PARD3B: variants seen among roughly 807,000 people sequenced by gnomAD.
PARD3B encodes par-3 family cell polarity regulator beta.
PARD3B carries 103 observed loss-of-function variants against 130.2 expected under a neutral mutation model. The observed-to-expected ratio is 0.79, with a 90% CI of 0.67 to 0.93. The LOEUF is 0.93. Among genes scored for constraint, PARD3B ranks in the 40% least tolerant of loss-of-function variants. PARD3B has a pLI of 0.00. For synonymous variants in PARD3B, 583 were observed against 553.2 expected (o/e 1.05, Z -0.76); for missense variants, 1,609 against 1,499.2 (o/e 1.07, Z -1.21).
intron 2 of PARD3B, among the ~76,000 whole-genome samples, chr2:204,870,548 C>T (rs74342535): frequency 2.0e-5 from 3 of 152,082 alleles, no homozygotes; most frequent in East Asian, 1.9e-4. Context: ...TCGGGGTAAG[C>T]GTTTCAAGCC....
At position 205,414,944 on chromosome 2, in the gene PARD3B, T is replaced by TAA. The variant is rs574937311; in HGVS notation, c.2741+13829_2741+13830dup. On this transcript the variant is annotated intron_variant, in intron 19 of 22. Coordinates refer to ENST00000406610, the MANE Select transcript of PARD3B (RefSeq NM_001302769.2). The stretch of plus-strand genomic sequence containing the variant: ...ATATTTTAGTGGGTTGACTTTGTTT[T>TAA]AAAAAAAAACACAGAGTCAAGATAA... Among the ~76,000 whole-genome samples, 604 of 151,392 alleles carry TAA rather than the reference T, an allele frequency of 4.0e-3. 8 individuals are homozygous for TAA. The highest frequency in any genetic ancestry group is 0.013 in the African/African-American group (556 of 41,354).
intron 2 of PARD3B, among the ~76,000 whole-genome samples, chr2:204,735,826 C>T (rs183081088): frequency 3.3e-5 from 5 of 151,826 alleles, no homozygotes; most frequent in African/African-American, 9.7e-5. Context: ...TGCTTTGATG[C>T]GGAAATAAAA....
In PARD3B at chr2:205,214,894, A is replaced by G. The variant is rs528106672; in HGVS notation, c.2140+21574A>G. Among the ~76,000 whole-genome samples the G allele has an allele frequency of 8.5e-5, 13 of 152,236 alleles. No homozygotes were observed. The South Asian group carries it at 2.3e-3, about 27-fold the overall frequency. On this transcript the variant is annotated intron_variant, in intron 15 of 22. Coordinates refer to ENST00000406610, the MANE Select transcript of PARD3B (RefSeq NM_001302769.2). ...TAAAGGGCTTATCCGTGACCAAGCT[A>G]TAATTTAGAGATGTTGTTATATTGA...
chr2:204,624,901 T>A (rs1177327468), intron 1 of PARD3B, among the ~76,000 whole-genome samples: 1 of 152,176 alleles, frequency 6.6e-6, no homozygotes, highest in African/African-American at 2.4e-5. Context: ...CATTTGATAT[T>A]GTCACTATTT....
chr2:205,007,158 C>A (rs1386127757), intron 3 of PARD3B, among the ~76,000 whole-genome samples: 1 of 152,136 alleles, frequency 6.6e-6, no homozygotes, highest in Non-Finnish European at 1.5e-5. Flanking sequence ...ATTTCCCCTG[C>A]TTGCTCTTCT....
At chr2:205,489,176 T>TTTC (rs1215823021) in intron 20 of PARD3B, among the ~76,000 whole-genome samples, 1 of 152,100 alleles carries the variant, frequency 6.6e-6, no homozygotes, top group Admixed American at 6.6e-5. Context: ...ACTTGATAAG[T>TTTC]TTCTTCTGTG....
At chr2:205,025,825 A>G (rs1053414347) in intron 3 of PARD3B, among the ~76,000 whole-genome samples, 4 of 152,096 alleles carry the variant, frequency 2.6e-5, no homozygotes, top group Admixed American at 6.6e-5. Context: ...CAACACACAG[A>G]TGCCTTGTAC....
intron 3 of PARD3B, among the ~76,000 whole-genome samples, chr2:205,036,457 A>G (rs1298634109): frequency 2.7e-5 from 4 of 147,984 alleles, no homozygotes; most frequent in Non-Finnish European, 6.0e-5. Flanking sequence ...ATATATAAAA[A>G]TATATGTATA....
chr2:205,333,693 G>C (rs1284039950), intron 18 of PARD3B, among the ~76,000 whole-genome samples: 5 of 152,094 alleles, frequency 3.3e-5, no homozygotes, highest in South Asian at 4.1e-4. Flanking sequence ...TATTTTCCAT[G>C]TACCCTGAAG....
rs184717187 is a variant in PARD3B, at chr2:204,978,700, G to T, written c.394+13377G>T. ...ATTTTGGCTGTGCATGGTGTCTCATGCCTGTAATCCTAGCATTCTGGGAGG... is the reference window on the plus strand; with the variant it reads ...ATTTTGGCTGTGCATGGTGTCTCATTCCTGTAATCCTAGCATTCTGGGAGG... On this transcript the variant is annotated intron_variant, in intron 3 of 22. Transcript: ENST00000406610. Among the ~76,000 whole-genome samples, 3 of 152,222 alleles carry T rather than the reference G, an allele frequency of 2.0e-5. 1 individual carries two copies. Among genetic ancestry groups the T allele is most frequent in the Admixed American group, 1.3e-4 (2 of 15,290 alleles).
In PARD3B at chr2:205,558,715, A is replaced by G. The variant is rs1044728329; in HGVS notation, c.3260+5312A>G. Among the ~76,000 whole-genome samples the G allele has an allele frequency of 6.6e-6, 1 of 152,102 alleles. No individual in the cohort carries two copies. Among genetic ancestry groups the G allele is most frequent in the Admixed American group, 6.5e-5 (1 of 15,270 alleles). ...TCCTGCCAATTCAATGCCCGTCTCTATGATGATTCCAAAAGTACCTGCCTA... is the reference window on the plus strand; with the variant it reads ...TCCTGCCAATTCAATGCCCGTCTCTGTGATGATTCCAAAAGTACCTGCCTA... On this transcript the variant is annotated intron_variant, in intron 22 of 22. Coordinates refer to ENST00000406610, the MANE Select transcript of PARD3B (RefSeq NM_001302769.2). This position sits in a 1 kb window ranked among gnomAD's most constrained non-coding sequence, Gnocchi z 4.8.
chr2:205,596,226 A>G (rs2054566255), intron 22 of PARD3B, among the ~76,000 whole-genome samples: 1 of 152,238 alleles, frequency 6.6e-6, no homozygotes, highest in African/African-American at 2.4e-5. Context: ...GGATGGGGGA[A>G]ATTCACCACA....
At chr2:204,934,309 C>A (rs931698254) in intron 2 of PARD3B, among the ~76,000 whole-genome samples, 1 of 152,176 alleles carries the variant, frequency 6.6e-6, no homozygotes, top group Admixed American at 6.5e-5. Flanking sequence ...GAAACAGTGA[C>A]ACTTTGTGGG....
intron 21 of PARD3B, among the ~76,000 whole-genome samples, chr2:205,528,496 C>CTT (rs779110151): frequency 2.1e-5 from 3 of 145,014 alleles, no homozygotes; most frequent in South Asian, 4.4e-4. Context: ...ATGACACAAT[C>CTT]TTTTTTTTTT....
intron 6 of PARD3B, among the ~76,000 whole-genome samples, chr2:205,117,916 T>TACACACACACACACACACACATAC (rs1221239466): frequency 0.089 from 1,814 of 20,380 alleles, 25 homozygotes; most frequent in South Asian, 0.32. Flanking sequence ...TGTATGTGTG[T>TACACACACACACACACACACATAC]ACACACACAC....
At chr2:204,829,665 G>T (rs2043728793) in intron 2 of PARD3B, among the ~76,000 whole-genome samples, 1 of 152,150 alleles carries the variant, frequency 6.6e-6, no homozygotes, top group Non-Finnish European at 1.5e-5. Flanking sequence ...TGCTGTTCTA[G>T]TGATAGTGAG....
intron 16 of PARD3B, among the ~76,000 whole-genome samples, chr2:205,257,038 A>G (rs1280704781): frequency 1.3e-5 from 2 of 152,176 alleles, no homozygotes; most frequent in African/African-American, 2.4e-5. Flanking sequence ...TACCCATGCA[A>G]TGCCATGTAC....
At chr2:205,434,561 A>G (rs1181385001) in intron 19 of PARD3B, among the ~76,000 whole-genome samples, 3 of 152,174 alleles carry the variant, frequency 2.0e-5, no homozygotes, top group Admixed American at 1.3e-4. Flanking sequence ...TACTGGATGT[A>G]TGAGTTGAAG....
intron 15 of PARD3B, among the ~76,000 whole-genome samples, chr2:205,204,983 A>G (rs1338848477): frequency 6.6e-6 from 1 of 152,150 alleles, no homozygotes; most frequent in African/African-American, 2.4e-5. Context: ...TAATTCTGTG[A>G]AGAAAGTCAA....
Sources: gnomAD v4.1 joint callset for allele counts (sites outside exome capture counted in the v4.1 genomes callset) on GRCh38, gnomAD v4.1.1 for gene constraint, Gnocchi (gnomAD v3.1) non-coding constraint, MANE v1.5 for transcripts, NCBI Gene and HGNC (gene_info 2026-07-23, HGNC 2026-07-21) for gene names.